Variants in UBASH3B observed in about 807,000 individuals in gnomAD.
UBASH3B encodes ubiquitin-associated and SH3 domain-containing protein B.
A neutral mutation model predicts 83.4 loss-of-function variants in UBASH3B; 37 were observed. The ratio of observed to expected loss-of-function variants is 0.44; its 90% CI spans 0.34 to 0.58. UBASH3B has a LOEUF of 0.58. UBASH3B is among the 20% of genes least tolerant of loss of function. The probability of loss-of-function intolerance (pLI) is 0.01; values close to 1 mark genes in which losing one functional copy is unlikely to be tolerated. For synonymous variants in UBASH3B, 304 were observed against 318.3 expected (o/e 0.96, Z 0.48); for missense variants, 657 against 827.2 (o/e 0.79, Z 2.52).
intron 1 of UBASH3B, among the ~76,000 whole-genome samples, chr11:122,741,108 A>G (rs753367372): frequency 3.3e-5 from 5 of 152,216 alleles, no homozygotes; most frequent in Non-Finnish European, 7.3e-5. Flanking sequence ...TAAAAATGAC[A>G]AAGTTTATTT....
At chr11:122,782,403 A>G (rs1420148484) in intron 4 of UBASH3B, 1 of 152,142 alleles carries the variant, frequency 6.6e-6, no homozygotes, top group Non-Finnish European at 1.5e-5. Context: ...ACATTTGGCA[A>G]TGTCTGAGGT....
intron 1 of UBASH3B, chr11:122,773,898 T>G (rs968980316): frequency 3.6e-6 from 3 of 828,840 alleles, no homozygotes; most frequent in Non-Finnish European, 4.4e-6. Flanking sequence ...ATTGAATTCC[T>G]TATATAAATA....
At position 122,808,093 on chromosome 11, in the gene UBASH3B, G is replaced by A. The variant is rs777116957; in HGVS notation, c.1729G>A (p.Ala577Thr). Residue 577 changes from alanine (A) to threonine (T), a missense_variant, in exon 13 of 14, where the codon GCA (alanine) becomes ACA (threonine). By Grantham distance (58) the Ala-to-Thr change is moderately conservative. Transcript: ENST00000284273. ...AAATAACATCCTGATTGTGGCCCACGCATCTTCCCTTGAAGCGTGTACCTG... is the reference window on the plus strand; with the variant it reads ...AAATAACATCCTGATTGTGGCCCACACATCTTCCCTTGAAGCGTGTACCTG... Reference protein sequence around the residue: ...KGNNILIVAHASSLEACTCQL... With the variant: ...KGNNILIVAHTSSLEACTCQL... 9 of 1,613,860 alleles carry A rather than the reference G, an allele frequency of 5.6e-6. No homozygotes were observed. Among genetic ancestry groups the A allele is most frequent in the South Asian group, 1.1e-5 (1 of 91,084 alleles).
rs1204013520 is a variant in UBASH3B, at chr11:122,777,259, A to C, written c.402+49A>C. 3 of 1,558,062 alleles carry C rather than the reference A, an allele frequency of 1.9e-6. No homozygotes were observed. In the South Asian group the frequency reaches 3.6e-5, roughly 19 times the overall value. On this transcript the variant is annotated intron_variant, in intron 3 of 13. Transcript: ENST00000284273. ...TGGGAAGCCTGGCTCCTAGGATCCC[A>C]GCCGGCCCTTTGGGACCTGGAGCAA...
intron 1 of UBASH3B, among the ~76,000 whole-genome samples, chr11:122,766,461 C>G (rs1473190182): frequency 1.3e-5 from 2 of 151,804 alleles, no homozygotes; most frequent in Non-Finnish European, 2.9e-5. Context: ...AGGAGAATGG[C>G]GTGAACCCGG....
intron 1 of UBASH3B, among the ~76,000 whole-genome samples, chr11:122,728,412 T>TA (rs1860782792): frequency 6.6e-6 from 1 of 152,210 alleles, no homozygotes; most frequent in African/African-American, 2.4e-5. Context: ...GATTGGGAAT[T>TA]AAGCGTAGCT....
At position 122,801,083 on chromosome 11, in the gene UBASH3B, G is replaced by T. The variant is rs1480268869; in HGVS notation, c.1451-105G>T. On this transcript the variant is annotated intron_variant, in intron 10 of 13. Transcript: ENST00000284273. ...TTCCATTTCTGTTTAGCTATATATA[G>T]CAGCCAGTAGGAAAGAGAATAGCTG... 5.1e-6 allele frequency: 7 copies of T among 1,384,756 alleles called. No homozygotes were observed. In the Admixed American group the frequency reaches 6.0e-5, roughly 12 times the overall value. 85.8% of individuals were successfully genotyped at this position (1,384,756 alleles called of 1,614,324 possible). A position where few individuals can be genotyped will look rare whatever the true frequency, so the allele number is the denominator to read the frequency against.
chr11:122,764,040 T>A (rs1293279750), intron 1 of UBASH3B, among the ~76,000 whole-genome samples: 3 of 152,130 alleles, frequency 2.0e-5, no homozygotes, highest in East Asian at 1.9e-4. Context: ...AGTGACCAAC[T>A]CTATCGGGTA....
chr11:122,665,196 T>C (rs1863500197), intron 1 of UBASH3B, among the ~76,000 whole-genome samples: 1 of 150,284 alleles, frequency 6.7e-6, no homozygotes, highest in African/African-American at 2.5e-5. Flanking sequence ...TGCGCCCGGC[T>C]CGTGTGTGTT....
chr11:122,743,406 G>C (rs1861058952), intron 1 of UBASH3B, among the ~76,000 whole-genome samples: 1 of 152,066 alleles, frequency 6.6e-6, no homozygotes, highest in South Asian at 2.1e-4. Flanking sequence ...GTACAGTTGG[G>C]GGTCTCGCTA....
intron 1 of UBASH3B, among the ~76,000 whole-genome samples, chr11:122,744,810 G>A (rs1293375196): frequency 6.6e-6 from 1 of 152,154 alleles, no homozygotes; most frequent in African/African-American, 2.4e-5. Flanking sequence ...GTGTGATCGT[G>A]TGTGATTATA....
chr11:122,791,101 T>G (rs151167709), intron 6 of UBASH3B, among the ~76,000 whole-genome samples: 185 of 152,378 alleles, frequency 1.2e-3, no homozygotes, highest in South Asian at 3.5e-3. Flanking sequence ...GAGGTCTTTG[T>G]GTCATCTTTT....
At chr11:122,807,584 C>T (rs1861363028) in intron 12 of UBASH3B, among the ~76,000 whole-genome samples, 1 of 152,050 alleles carries the variant, frequency 6.6e-6, no homozygotes, top group African/African-American at 2.4e-5. Flanking sequence ...GGGTCTTGCT[C>T]CTGACACTCA....
At chr11:122,748,267 G>T (rs762278563) in intron 1 of UBASH3B, among the ~76,000 whole-genome samples, 3 of 152,230 alleles carry the variant, frequency 2.0e-5, no homozygotes, top group Non-Finnish European at 4.4e-5. Context: ...TTGAGTAGCA[G>T]CTGCCATCTT....
At chr11:122,765,539 A>G (rs1860521859) in intron 1 of UBASH3B, among the ~76,000 whole-genome samples, 1 of 152,178 alleles carries the variant, frequency 6.6e-6, no homozygotes, top group Non-Finnish European at 1.5e-5. Context: ...ACACCCCTCC[A>G]TGACAGGACA....
chr11:122,699,577 T>C (rs200078473), intron 1 of UBASH3B, among the ~76,000 whole-genome samples: 9 of 140,174 alleles, frequency 6.4e-5, no homozygotes, highest in South Asian at 2.3e-4. Context: ...TTCTTTCTTT[T>C]CTTTCTTTCC....
At position 122,758,543 on chromosome 11, in the gene UBASH3B, G is replaced by A. The variant is rs985909288; in HGVS notation, c.162-17676G>A. ...GGGGCGGAGGGGGCACCCAGTGGCC[G>A]TAGAACACCGACCCTGTGCCAAACT... On this transcript the variant is annotated intron_variant, in intron 1 of 13. Coordinates refer to ENST00000284273, the MANE Select transcript of UBASH3B (RefSeq NM_032873.5). This position sits in a 1 kb window ranked among gnomAD's most constrained non-coding sequence, Gnocchi z 4.2. 1.3e-5 allele frequency among the ~76,000 whole-genome samples: 2 copies of A among 152,212 alleles called. No individual in the cohort carries two copies. The highest frequency in any genetic ancestry group is 2.4e-5 in the African/African-American group (1 of 41,444).
chr11:122,765,399 T>C (rs1056333090), intron 1 of UBASH3B, among the ~76,000 whole-genome samples: 1 of 152,244 alleles, frequency 6.6e-6, no homozygotes, highest in African/African-American at 2.4e-5. Context: ...CGCTTCCCAC[T>C]GAGCCCTGGG....
At chr11:122,731,247 A>G (rs1043162694) in intron 1 of UBASH3B, among the ~76,000 whole-genome samples, 6 of 152,256 alleles carry the variant, frequency 3.9e-5, no homozygotes, top group African/African-American at 1.4e-4. Context: ...CAGCAAAACC[A>G]GCACAAATTT....
Sources: allele counts gnomAD v4.1 joint callset (sites outside exome capture counted in the v4.1 genomes callset), GRCh38; gene constraint gnomAD v4.1.1; non-coding constraint Gnocchi (gnomAD v3.1); transcripts MANE v1.5; gene names NCBI Gene and HGNC (gene_info 2026-07-23, HGNC 2026-07-21).